AGAP1: variants seen among roughly 807,000 people sequenced by gnomAD.
AGAP1 encodes the protein arf-GAP with GTPase, ANK repeat and PH domain-containing protein 1.
AGAP1 carries 29 observed loss-of-function variants against 105.3 expected under a neutral mutation model. The observed-to-expected ratio is 0.28, with a 90% CI of 0.21 to 0.38. AGAP1 has a LOEUF of 0.38. AGAP1 is among the 10% of genes least tolerant of loss of function. The pLI, the probability that AGAP1 is intolerant of heterozygous loss-of-function variation, is 1.00. For missense variants in AGAP1, 998 were observed against 1,165.1 expected (o/e 0.86, Z 2.09); for synonymous variants, 509 against 485.9 (o/e 1.05, Z -0.63).
At chr2:236,034,682 T>G (rs2057326126) in intron 13 of AGAP1, among the ~76,000 whole-genome samples, 1 of 152,176 alleles carries the variant, frequency 6.6e-6, no homozygotes, top group Non-Finnish European at 1.5e-5. Context: ...TCGGTCCCTT[T>G]CAAGGACAGG....
At chr2:235,807,042 T>C (rs1417207093) in intron 8 of AGAP1, among the ~76,000 whole-genome samples, 197 bp from the exon 9 acceptor site, 1 of 152,238 alleles carries the variant, frequency 6.6e-6, no homozygotes. Context: ...GGGGAAAGTT[T>C]AGATGATTCT....
At chr2:235,567,604 G>C (rs1944387549) in intron 1 of AGAP1, among the ~76,000 whole-genome samples, 2 of 152,324 alleles carry the variant, frequency 1.3e-5, no homozygotes, top group South Asian at 4.1e-4. Flanking sequence ...GTGAACCCAG[G>C]TGTGTTTTCA....
At chr2:235,922,399 A>T (rs988132554) in intron 11 of AGAP1, among the ~76,000 whole-genome samples, 2 of 152,204 alleles carry the variant, frequency 1.3e-5, no homozygotes, top group Non-Finnish European at 2.9e-5. Context: ...GAAAGTTCCT[A>T]TCGCCATCAC....
Position 235,677,630 on chromosome 2 carries a change from G to A in AGAP1, c.164-31549G>A, listed in dbSNP as rs527592760. On this transcript the variant is annotated intron_variant, in intron 1 of 17. Coordinates refer to ENST00000304032, the MANE Select transcript of AGAP1 (RefSeq NM_001037131.3). Reference sequence around the variant, plus strand: ...TACGGCCTTTGGGTGCATCATTTGAGTGGATGTTCATTTGCTTGAGACGAT... The same window carrying A: ...TACGGCCTTTGGGTGCATCATTTGAATGGATGTTCATTTGCTTGAGACGAT... 2.6e-5 allele frequency among the ~76,000 whole-genome samples: 4 copies of A among 152,138 alleles called. No individual in the cohort carries two copies. The South Asian group carries it at 8.3e-4, about 32-fold the overall frequency.
chr2:236,076,916 G>A lies in AGAP1; in HGVS notation c.2114+27635G>A, dbSNP rs1053224709. Among the ~76,000 whole-genome samples the A allele has an allele frequency of 1.7e-4, 25 of 151,386 alleles. No individual in the cohort carries two copies. Among genetic ancestry groups the A allele is most frequent in the African/African-American group, 5.3e-4 (22 of 41,292 alleles). Reference sequence around the variant, plus strand: ...AGCCTAGGAGTTCAAGACCAGCCAGGGCAACATGGCAAAACCCTGTCACTA... The same window carrying A: ...AGCCTAGGAGTTCAAGACCAGCCAGAGCAACATGGCAAAACCCTGTCACTA... On this transcript the variant is annotated intron_variant, in intron 16 of 17. Coordinates refer to ENST00000304032, the MANE Select transcript of AGAP1 (RefSeq NM_001037131.3). The surrounding 1 kb of genome is among the most constrained non-coding windows in gnomAD (Gnocchi z 4.4).
rs1372866472 is a variant in AGAP1, at chr2:235,662,393, G to A, written c.164-46786G>A. Among the ~76,000 whole-genome samples the A allele has an allele frequency of 6.6e-6, 1 of 152,210 alleles. No homozygotes were observed. The highest frequency in any genetic ancestry group is 1.5e-5 in the Non-Finnish European group (1 of 68,044). ...GGTCTCACCTTCAGCCACACTCCTA[G>A]GGACAGAGTGCGTCCATGGAGGGGA... On this transcript the variant is annotated intron_variant, in intron 1 of 17. Transcript: ENST00000304032. The surrounding 1 kb of genome is among the most constrained non-coding windows in gnomAD (Gnocchi z 4.2).
intron 1 of AGAP1, among the ~76,000 whole-genome samples, chr2:235,681,248 A>C (rs1949054972): frequency 6.6e-6 from 1 of 152,120 alleles, no homozygotes; most frequent in Non-Finnish European, 1.5e-5. Flanking sequence ...TGATCTCATG[A>C]TCTGCCCTCC....
Position 235,930,958 on chromosome 2 carries a change from AC to A in AGAP1, c.1483+37del. On this transcript the variant is annotated intron_variant, in intron 12 of 17. Coordinates refer to ENST00000304032, the MANE Select transcript of AGAP1 (RefSeq NM_001037131.3). The surrounding 1 kb of genome is among the most constrained non-coding windows in gnomAD (Gnocchi z 7.9). ...GGCTCAGCCCCACGGACCCGCAGCCACCTCAAGGTCCTTCGTTGTAAGCCAG... is the reference window on the plus strand; with the variant it reads ...GGCTCAGCCCCACGGACCCGCAGCCACTCAAGGTCCTTCGTTGTAAGCCAG... 1 of 1,604,414 alleles carries A rather than the reference AC, an allele frequency of 6.2e-7. No individual in the cohort carries two copies. The highest frequency in any genetic ancestry group is 2.2e-5 in the East Asian group (1 of 44,614).
intron 12 of AGAP1, among the ~76,000 whole-genome samples, chr2:235,937,133 G>T (rs903691706): frequency 6.6e-6 from 1 of 152,182 alleles, no homozygotes; most frequent in Admixed American, 6.5e-5. Flanking sequence ...TTCCCTGGGG[G>T]TTGTCATCAA....
chr2:236,066,995 A>G (rs1413603963), intron 16 of AGAP1, among the ~76,000 whole-genome samples: 2 of 151,216 alleles, frequency 1.3e-5, no homozygotes, highest in Non-Finnish European at 2.9e-5. Context: ...ATGTAAGGGA[A>G]TATCTGAAAA....
chr2:236,069,502 C>T (rs1265571741), intron 16 of AGAP1, among the ~76,000 whole-genome samples: 1 of 152,208 alleles, frequency 6.6e-6, no homozygotes, highest in Non-Finnish European at 1.5e-5. Flanking sequence ...CGGCTCACTG[C>T]AACCTCTGCC....
At chr2:236,022,589 C>T (rs2056920156) in intron 13 of AGAP1, among the ~76,000 whole-genome samples, 1 of 152,184 alleles carries the variant, frequency 6.6e-6, no homozygotes, top group South Asian at 2.1e-4. Context: ...GGCTGGAGTG[C>T]AGTGGCACAG....
At position 235,665,239 on chromosome 2, in the gene AGAP1, G is replaced by A. The variant is rs1948089326; in HGVS notation, c.164-43940G>A. 6.6e-6 allele frequency among the ~76,000 whole-genome samples: 1 copy of A among 152,278 alleles called. No individual in the cohort carries two copies. The highest frequency in any genetic ancestry group is 2.4e-5 in the African/African-American group (1 of 41,564). ...ACACAATAGACATCGCCAGTGTTCT[G>A]TTGGCAGGAATTGCTATCGTTGGTC... is the stretch of plus-strand genomic sequence containing the variant. On this transcript the variant is annotated intron_variant, in intron 1 of 17. Transcript: ENST00000304032. The surrounding 1 kb of genome is among the most constrained non-coding windows in gnomAD (Gnocchi z 5.3).
Position 235,690,419 on chromosome 2 carries a change from G to C in AGAP1, c.164-18760G>C, listed in dbSNP as rs1949684388. Among the ~76,000 whole-genome samples, 1 of 152,094 alleles carries C rather than the reference G, an allele frequency of 6.6e-6. No homozygotes were observed. Among genetic ancestry groups the C allele is most frequent in the African/African-American group, 2.4e-5 (1 of 41,382 alleles). On this transcript the variant is annotated intron_variant, in intron 1 of 17. Coordinates refer to ENST00000304032, the MANE Select transcript of AGAP1 (RefSeq NM_001037131.3). This position sits in a 1 kb window ranked among gnomAD's most constrained non-coding sequence, Gnocchi z 4.1. Reference sequence around the variant, plus strand: ...TGTTTCAAAGGCAGAGCTCACATTGGAGCACTTGATATTATGCATTTGAAA... The same window carrying C: ...TGTTTCAAAGGCAGAGCTCACATTGCAGCACTTGATATTATGCATTTGAAA...
intron 1 of AGAP1, among the ~76,000 whole-genome samples, chr2:235,644,597 C>G (rs1185728636): frequency 6.6e-6 from 1 of 152,110 alleles, no homozygotes; most frequent in African/African-American, 2.4e-5. Context: ...TCAAACATCC[C>G]TGTTGGGCTA....
At chr2:235,670,895 C>G (rs923164285) in intron 1 of AGAP1, 8 of 1,349,710 alleles carry the variant, frequency 5.9e-6, no homozygotes, top group Admixed American at 3.8e-5. Flanking sequence ...CCGGCTGCTG[C>G]GCTTCTTCAG....
chr2:235,524,162 C>A (rs1317456124), intron 1 of AGAP1, among the ~76,000 whole-genome samples: 1 of 152,194 alleles, frequency 6.6e-6, no homozygotes, highest in East Asian at 1.9e-4. Context: ...CCGTGGGCCA[C>A]CATTGTCTCC....
rs183522076 is a variant in AGAP1, at chr2:236,000,206, C to T, written c.1645+31583C>T. ...TGTCTTTCCAATTACACTAACTCCT[C>T]ACTCAATGTCATTCATCAATAGGTT... is the stretch of plus-strand genomic sequence containing the variant. On this transcript the variant is annotated intron_variant, in intron 13 of 17. Transcript: ENST00000304032. The surrounding 1 kb of genome is among the most constrained non-coding windows in gnomAD (Gnocchi z 4.3). 6.6e-6 allele frequency among the ~76,000 whole-genome samples: 1 copy of T among 152,302 alleles called. No homozygotes were observed. The highest frequency in any genetic ancestry group is 2.4e-5 in the African/African-American group (1 of 41,564).
chr2:235,766,907 ATTTTTT>A (rs71036292), intron 6 of AGAP1, among the ~76,000 whole-genome samples: 1,403 of 109,916 alleles, frequency 0.013, 18 homozygotes, highest in African/African-American at 0.034. Flanking sequence ...ACACCGGCTA[ATTTTTT>A]TTTTTTTTTT....
Sources: allele counts gnomAD v4.1 joint callset (sites outside exome capture counted in the v4.1 genomes callset), GRCh38; gene constraint gnomAD v4.1.1; non-coding constraint Gnocchi (gnomAD v3.1); transcripts MANE v1.5; gene names NCBI Gene and HGNC (gene_info 2026-07-23, HGNC 2026-07-21).